The following LY75 variants were observed in gnomAD, a reference collection of about 807,000 sequenced individuals.
LY75 encodes lymphocyte antigen 75, also known as C-type lectin domain family 13 member B.
Under a neutral mutation model 231.7 loss-of-function variants are expected in LY75, and 185 were observed. The ratio of observed to expected loss-of-function variants is 0.80; its 90% CI spans 0.71 to 0.90. The LOEUF (loss-of-function observed/expected upper bound fraction) is 0.90. Ranked by LOEUF, LY75 falls within the 40% of genes least tolerant of loss-of-function variation. The pLI, the probability that LY75 is intolerant of heterozygous loss-of-function variation, is 0.00. For missense variants in LY75, 1,947 were observed against 2,050.2 expected (o/e 0.95, Z 0.97); for synonymous variants, 668 against 689.0 (o/e 0.97, Z 0.48).
At position 159,860,780 on chromosome 2, in the gene LY75, C is replaced by T. The variant is rs188480085; in HGVS notation, c.2268+41G>A. On this transcript the variant is annotated intron_variant, in intron 15 of 34. Transcript: ENST00000263636. ...TTACTTGACTGCATATGATGATGGACTTATGTTTTAAATATGCAGATTTTC... is the reference window on the plus strand; with the variant it reads ...TTACTTGACTGCATATGATGATGGATTTATGTTTTAAATATGCAGATTTTC... The T allele has an allele frequency of 2.0e-3, 3,183 of 1,608,234 alleles. 7 individuals are homozygous for T. Among genetic ancestry groups the T allele is most frequent in the Non-Finnish European group, 2.1e-3 (2,502 of 1,175,002 alleles).
intron 33 of LY75, among the ~76,000 whole-genome samples, 159 bp from the exon 34 acceptor site, chr2:159,807,299 G>T (rs1682820173): frequency 6.6e-6 from 1 of 152,214 alleles, no homozygotes; most frequent in Admixed American, 6.5e-5. Context: ...CAGTTCTTCA[G>T]TTGCACTAGT....
chr2:159,855,172 T>C (rs1300523858), intron 16 of LY75, among the ~76,000 whole-genome samples: 2 of 152,222 alleles, frequency 1.3e-5, no homozygotes, highest in African/African-American at 4.8e-5. Context: ...GAAGTATTTC[T>C]AGCAGTCTTT....
intron 7 of LY75, among the ~76,000 whole-genome samples, chr2:159,881,542 T>C (rs1282333493): frequency 6.6e-6 from 1 of 152,144 alleles, no homozygotes; most frequent in African/African-American, 2.4e-5. Flanking sequence ...ATATCCCAAT[T>C]TGAATAGAAA....
Position 159,890,390 on chromosome 2 carries a change from ACACGTTAGT to A in LY75, c.638-22_638-14del. On this transcript the variant is annotated splice_polypyrimidine_tract_variant and intron_variant, in intron 3 of 34. Transcript: ENST00000263636. ...TCACAACCGTTTTCTGTTGATAAAGACACGTTAGTGATCATAAAGTAAGGACATAATGTT... is the reference window on the plus strand; with the variant it reads ...TCACAACCGTTTTCTGTTGATAAAGAGATCATAAAGTAAGGACATAATGTT... 1 of 1,612,282 alleles carries A rather than the reference ACACGTTAGT, an allele frequency of 6.2e-7. No individual in the cohort carries two copies.
intron 24 of LY75, 80 bp downstream of exon 24, chr2:159,842,165 T>C (rs953438488): frequency 1.2e-4 from 181 of 1,487,648 alleles, no homozygotes; most frequent in Non-Finnish European, 1.5e-4. Flanking sequence ...TCCCTCCCTA[T>C]AGAAAGTGAC....
Position 159,846,217 on chromosome 2 carries a change from GAA to G in LY75, c.3150+3761_3150+3762del, listed in dbSNP as rs201756222. ...GGATGTAACATGCTATCAGAAAGGGGAAAAAAAAAACACACAAAAAACAGAGG... is the reference window on the plus strand; with the variant it reads ...GGATGTAACATGCTATCAGAAAGGGGAAAAAAAACACACAAAAAACAGAGG... On this transcript the variant is annotated intron_variant, in intron 23 of 34. Coordinates refer to ENST00000263636, the MANE Select transcript of LY75 (RefSeq NM_002349.4). 1.2e-4 allele frequency among the ~76,000 whole-genome samples: 18 copies of G among 151,590 alleles called. 1 individual carries two copies. Among genetic ancestry groups the G allele is most frequent in the African/African-American group, 3.9e-4 (16 of 41,238 alleles).
chr2:159,869,539 C>A (rs1362013751), intron 13 of LY75, among the ~76,000 whole-genome samples: 1 of 152,192 alleles, frequency 6.6e-6, no homozygotes. Flanking sequence ...GAAACTCTCA[C>A]ACTTCTCAAG....
intron 25 of LY75, 131 bp downstream of exon 25, chr2:159,840,597 TA>T: frequency 7.3e-7 from 1 of 1,374,250 alleles, no homozygotes. Flanking sequence ...AACCCCGACA[TA>T]TTCCATGAAA....
At chr2:159,815,667 T>G (rs1301835528) in intron 30 of LY75, 94 bp from the exon 31 acceptor site, 1 of 1,422,090 alleles carries the variant, frequency 7.0e-7, no homozygotes, top group East Asian at 2.5e-5. Context: ...AATATTATAA[T>G]GGAATATTAA....
intron 16 of LY75, 39 bp from the exon 17 acceptor site, chr2:159,854,978 G>A (rs1174444312): frequency 1.2e-6 from 2 of 1,612,178 alleles, no homozygotes; most frequent in Admixed American, 3.3e-5. Flanking sequence ...AGTATTCCAT[G>A]ACAGATCAGG....
At chr2:159,870,209 T>C (rs1340773193) in intron 13 of LY75, among the ~76,000 whole-genome samples, 1 of 152,134 alleles carries the variant, frequency 6.6e-6, no homozygotes, top group African/African-American at 2.4e-5. Context: ...CCCAGCACCT[T>C]GGGAGGCCAA....
chr2:159,904,459 G>A, intron 1 of LY75, 130 bp downstream of exon 1: 1 of 1,049,540 alleles, frequency 9.5e-7, no homozygotes. Flanking sequence ...CGGCTCCAGA[G>A]CCCCCCCGCC....
intron 23 of LY75, among the ~76,000 whole-genome samples, chr2:159,844,583 C>G (rs1002140300): frequency 7.9e-5 from 12 of 151,724 alleles, no homozygotes; most frequent in Non-Finnish European, 1.0e-4. Flanking sequence ...GAAATGAAAA[C>G]GAGAGAGGTA....
chr2:159,898,520 T>A (rs1025672884), intron 2 of LY75, among the ~76,000 whole-genome samples, 168 bp downstream of exon 2: 1 of 152,174 alleles, frequency 6.6e-6, no homozygotes, highest in African/African-American at 2.4e-5. Context: ...GCAAATACCA[T>A]GGACTTGTAA....
At chr2:159,896,744 C>T (rs990216149) in intron 2 of LY75, among the ~76,000 whole-genome samples, 6 of 152,038 alleles carry the variant, frequency 3.9e-5, no homozygotes, top group Non-Finnish European at 8.8e-5. Context: ...GTGGAAGAGG[C>T]GAGCCTGAAA....
chr2:159,858,761 G>A (rs912152432), intron 15 of LY75, among the ~76,000 whole-genome samples: 1 of 152,162 alleles, frequency 6.6e-6, no homozygotes, highest in African/African-American at 2.4e-5. Context: ...TATTTCAGAG[G>A]TATCCAAGCA....
At chr2:159,814,375 G>A (rs192404390) in intron 31 of LY75, among the ~76,000 whole-genome samples, 37 of 152,256 alleles carry the variant, frequency 2.4e-4, no homozygotes, top group South Asian at 6.2e-4. Flanking sequence ...TTGGCCAGGC[G>A]TAGTAGCTCA....
At chr2:159,812,376 T>C (rs556164104) in intron 31 of LY75, 1 of 151,640 alleles carries the variant, frequency 6.6e-6, no homozygotes, top group South Asian at 2.1e-4. Context: ...TGTGGTAAAA[T>C]ACACATAACA....
intron 31 of LY75, among the ~76,000 whole-genome samples, chr2:159,814,350 A>C (rs1683053680): frequency 6.6e-6 from 1 of 151,852 alleles, no homozygotes; most frequent in Non-Finnish European, 1.5e-5. Flanking sequence ...TATTACAGAA[A>C]CTCTCTTAGA....
Sources: allele counts gnomAD v4.1 joint callset (sites outside exome capture counted in the v4.1 genomes callset), GRCh38; gene constraint gnomAD v4.1.1; transcripts MANE v1.5; gene names NCBI Gene and HGNC (gene_info 2026-07-23, HGNC 2026-07-21).